CTTN: variants seen among roughly 807,000 people sequenced by gnomAD.
CTTN encodes cortactin, also known as src substrate cortactin.
In CTTN, 28 loss-of-function variants were observed where a neutral mutation model predicts 84.0. That is an observed-to-expected ratio of 0.33 (90% CI 0.25 to 0.46). CTTN has a LOEUF of 0.46. Ranked by LOEUF, CTTN falls within the 20% of genes least tolerant of loss-of-function variation. The pLI, the probability that CTTN is intolerant of heterozygous loss-of-function variation, is 1.00. For synonymous variants in CTTN, 301 were observed against 288.8 expected, an observed-to-expected ratio of 1.04 and a Z score of -0.43; for missense variants, 641 against 723.8, an observed-to-expected ratio of 0.89 and a Z score of 1.31.
chr11:70,430,942 C>A (rs886162678), intron 14 of CTTN, among the ~76,000 whole-genome samples: 1 of 151,674 alleles, frequency 6.6e-6, no homozygotes, highest in East Asian at 1.9e-4. Context: ...AGCTCCCCTG[C>A]CCCTCGGATC....
chr11:70,411,968 C>G (rs2058101005), intron 5 of CTTN, among the ~76,000 whole-genome samples: 1 of 152,104 alleles, frequency 6.6e-6, no homozygotes, highest in Non-Finnish European at 1.5e-5. Flanking sequence ...CTCATGGAAC[C>G]AAGGAGGCTT....
In CTTN at chr11:70,435,479, G is replaced by T. The variant is rs752846770; in HGVS notation, c.*317G>T. The stretch of plus-strand genomic sequence containing the variant: ...GTCACGCGGCAGCTTCAGGGAGCTC[G>T]CATTCTCTTGTGTTCGTGTTGCCCT... On this transcript the variant is annotated 3_prime_UTR_variant, in exon 18 of 18. Transcript: ENST00000301843. 1 of 1,549,384 alleles carries T rather than the reference G, an allele frequency of 6.5e-7. No homozygotes were observed. The highest frequency in any genetic ancestry group is 1.2e-5 in the South Asian group (1 of 84,956).
intron 14 of CTTN, among the ~76,000 whole-genome samples, chr11:70,430,608 C>T (rs1313070002): frequency 1.3e-5 from 2 of 152,196 alleles, no homozygotes; most frequent in African/African-American, 4.8e-5. Context: ...ACAGTCCCTC[C>T]CCATGGGGTC....
Position 70,436,007 on chromosome 11 carries a change from C to G in CTTN, c.*845C>G, listed in dbSNP as rs1256558257. ...ACTGTCACCCATATGGTCCCTGGGC[C>G]ACCGGGCAGCCTGGGGCGGTGTGTG... is the stretch of plus-strand genomic sequence containing the variant. On this transcript the variant is annotated 3_prime_UTR_variant, in exon 18 of 18. Coordinates refer to ENST00000301843, the MANE Select transcript of CTTN (RefSeq NM_005231.4). 3 of 1,427,452 alleles carry G rather than the reference C, an allele frequency of 2.1e-6. No individual in the cohort carries two copies. Among genetic ancestry groups the G allele is most frequent in the Non-Finnish European group, 2.7e-6 (3 of 1,097,650 alleles). The allele number at this position is 1,427,452 out of a possible 1,614,324, so 88.4% of individuals were successfully genotyped here. A position where few individuals can be genotyped will look rare whatever the true frequency, so the allele number is the denominator to read the frequency against.
intron 4 of CTTN, 121 bp downstream of exon 4, chr11:70,407,712 C>T: frequency 1.3e-6 from 1 of 778,910 alleles, no homozygotes. Flanking sequence ...ATCTTCTTGA[C>T]CTGATACCCA....
chr11:70,425,669 A>AC (rs2058292665), intron 13 of CTTN, among the ~76,000 whole-genome samples: 1 of 152,196 alleles, frequency 6.6e-6, no homozygotes, highest in African/African-American at 2.4e-5. Flanking sequence ...GGCTAAGTGC[A>AC]CATTCACAAG....
At position 70,422,977 on chromosome 11, in the gene CTTN, G is replaced by A; in HGVS notation, c.939G>A (p.Gln313=). The A allele has an allele frequency of 6.2e-7, 1 of 1,614,092 alleles. No homozygotes were observed. The highest frequency in any genetic ancestry group is 8.5e-7 in the Non-Finnish European group (1 of 1,180,010). ...GATTCGGCGGGAAGTATGGGGTGCA[G>A]AAGGATCGGATGGATAAGGTAAATA... ...SKGFGGKYGV[Q]KDRMDKNAST... is the part of the protein sequence containing the mutation. The change falls in exon 12 of 18, where the codon CAG becomes CAA. Residue 313 remains glutamine (Q), a synonymous_variant. Coordinates refer to ENST00000301843, the MANE Select transcript of CTTN (RefSeq NM_005231.4).
intron 6 of CTTN, among the ~76,000 whole-genome samples, chr11:70,415,434 G>A (rs1317889288): frequency 4.6e-5 from 7 of 152,238 alleles, no homozygotes; most frequent in Non-Finnish European, 8.8e-5. Context: ...CAGGTCACCA[G>A]GGATATGGCT....
chr11:70,406,656 G>A (rs1448582824), intron 2 of CTTN, among the ~76,000 whole-genome samples: 1 of 152,190 alleles, frequency 6.6e-6, no homozygotes, highest in Non-Finnish European at 1.5e-5. Context: ...GAGGGAGAAG[G>A]TGGCTGCCCA....
In CTTN at chr11:70,435,183, A is replaced by G. The variant is rs2058401409; in HGVS notation, c.*21A>G. 6.4e-7 allele frequency: 1 copy of G among 1,550,904 alleles called. No homozygotes were observed. Among genetic ancestry groups the G allele is most frequent in the Non-Finnish European group, 8.7e-7 (1 of 1,148,672 alleles). On this transcript the variant is annotated 3_prime_UTR_variant, in exon 18 of 18. Coordinates refer to ENST00000301843, the MANE Select transcript of CTTN (RefSeq NM_005231.4). The stretch of plus-strand genomic sequence containing the variant: ...AGTAGGGCCCCCAGCCCCCCCCCGG[A>G]GCTGCGCCCTGGATCCTCACACTAC...
chr11:70,431,285 G>T lies in CTTN; in HGVS notation c.1266+5G>T, dbSNP rs2058351750. On this transcript the variant is annotated splice_donor_5th_base_variant and intron_variant, in intron 15 of 17. Coordinates refer to ENST00000301843, the MANE Select transcript of CTTN (RefSeq NM_005231.4). ...CCCTCGAGCCCCGTCTATGAGGTTG[G>T]TGTCTTTGGTGTTTGAATGAGCGTG... is the stretch of plus-strand genomic sequence containing the variant. 6.2e-7 allele frequency: 1 copy of T among 1,613,946 alleles called. No individual in the cohort carries two copies. Among genetic ancestry groups the T allele is most frequent in the African/African-American group, 1.3e-5 (1 of 74,936 alleles).
intron 9 of CTTN, 98 bp downstream of exon 9, chr11:70,419,954 T>G (rs2058211417): frequency 1.2e-6 from 1 of 845,770 alleles, no homozygotes; most frequent in Admixed American, 2.9e-5. Flanking sequence ...TTGATAGCCC[T>G]TAACGTAGAT....
chr11:70,410,695 C>T (rs894929043), intron 5 of CTTN, among the ~76,000 whole-genome samples: 4 of 152,168 alleles, frequency 2.6e-5, no homozygotes, highest in Non-Finnish European at 4.4e-5. Context: ...TTGCATGTTT[C>T]TTCAGTAAAA....
chr11:70,429,560 C>A (rs2058332915), intron 14 of CTTN, among the ~76,000 whole-genome samples: 1 of 152,138 alleles, frequency 6.6e-6, no homozygotes, highest in South Asian at 2.1e-4. Context: ...TCACCCCTCC[C>A]CCTCTGGAAG....
chr11:70,435,351 G>T lies in CTTN; in HGVS notation c.*189G>T. The stretch of plus-strand genomic sequence containing the variant: ...TGCTGATGCTTTTGAAAATGTTTAT[G>T]CCACAGAATTTGCTAATATATTGTA... On this transcript the variant is annotated 3_prime_UTR_variant, in exon 18 of 18. Transcript: ENST00000301843. The T allele has an allele frequency of 5.8e-6, 8 of 1,384,554 alleles. No homozygotes were observed. Among genetic ancestry groups the T allele is most frequent in the Non-Finnish European group, 7.5e-6 (8 of 1,068,488 alleles). The allele number at this position is 1,384,554 out of a possible 1,614,324, so 85.8% of individuals were successfully genotyped here. A position where few individuals can be genotyped will look rare whatever the true frequency, so the allele number is the denominator to read the frequency against.
chr11:70,422,911 A>T, intron 11 of CTTN, 29 bp from the exon 12 acceptor site: 1 of 1,613,992 alleles, frequency 6.2e-7, no homozygotes, highest in Non-Finnish European at 8.5e-7. Context: ...TCCACCTCAG[A>T]GTAAGTGTTG....
intron 5 of CTTN, among the ~76,000 whole-genome samples, chr11:70,412,126 C>T (rs11820524): frequency 0.11 from 16,284 of 152,194 alleles, 2,935 homozygotes; most frequent in African/African-American, 0.37. Context: ...GGGACAGATA[C>T]GTTGTCAAAA....
intron 15 of CTTN, 121 bp from the exon 16 acceptor site, chr11:70,432,980 C>T (rs1218383749): frequency 9.2e-7 from 1 of 1,087,278 alleles, no homozygotes; most frequent in South Asian, 1.5e-5. Context: ...TCTGTTTTCT[C>T]AGTCCTGGCT....
At chr11:70,427,425 C>T (rs371458024) in intron 13 of CTTN, among the ~76,000 whole-genome samples, 137 of 152,298 alleles carry the variant, frequency 9.0e-4, no homozygotes, top group South Asian at 4.6e-3. Context: ...GTGAGAAGAC[C>T]GGCATTGTTT....
Sources: allele counts gnomAD v4.1 joint callset (sites outside exome capture counted in the v4.1 genomes callset), GRCh38; gene constraint gnomAD v4.1.1; transcripts MANE v1.5; gene names NCBI Gene and HGNC (gene_info 2026-07-23, HGNC 2026-07-21).